Variants in ST6GALNAC5 observed in about 807,000 individuals in gnomAD.
ST6GALNAC5 encodes ST6 N-acetylgalactosaminide alpha-2,6-sialyltransferase 5, also known as alpha-N-acetylgalactosaminide alpha-2,6-sialyltransferase 5.
A neutral mutation model predicts 33.6 loss-of-function variants in ST6GALNAC5; 27 were observed. That is an observed-to-expected ratio of 0.80 (90% CI 0.59 to 1.11). The LOEUF (loss-of-function observed/expected upper bound fraction) is 1.11. ST6GALNAC5 is among the 50% of genes least tolerant of loss of function. The probability of loss-of-function intolerance (pLI) is 0.00; values close to 1 mark genes in which losing one functional copy is unlikely to be tolerated. For synonymous variants in ST6GALNAC5, 194 were observed against 171.2 expected (o/e 1.13, Z -1.04); for missense variants, 428 against 454.0 (o/e 0.94, Z 0.52).
At chr1:76,992,637 G>A (rs941977515) in intron 2 of ST6GALNAC5, among the ~76,000 whole-genome samples, 1 of 152,116 alleles carries the variant, frequency 6.6e-6, no homozygotes, top group Non-Finnish European at 1.5e-5. Context: ...TGGGACTATA[G>A]GTGCATGCCA....
At chr1:76,904,292 A>G (rs1185267098) in intron 2 of ST6GALNAC5, among the ~76,000 whole-genome samples, 1 of 152,182 alleles carries the variant, frequency 6.6e-6, no homozygotes, top group Non-Finnish European at 1.5e-5. Context: ...TCAGTTGAGA[A>G]GAGAAAGGGA....
At chr1:76,896,698 T>TA (rs1197062867) in intron 2 of ST6GALNAC5, among the ~76,000 whole-genome samples, 3 of 151,996 alleles carry the variant, frequency 2.0e-5, no homozygotes, top group Non-Finnish European at 4.4e-5. Context: ...TTGTCGGACT[T>TA]AAAGAGTGAG....
At position 77,017,068 on chromosome 1, in the gene ST6GALNAC5, G is replaced by A. The variant is rs375437849; in HGVS notation, c.262-27136G>A. Among the ~76,000 whole-genome samples, 6 of 147,830 alleles carry A rather than the reference G, an allele frequency of 4.1e-5. No homozygotes were observed. The East Asian group carries it at 8.5e-4, about 21-fold the overall frequency. On this transcript the variant is annotated intron_variant, in intron 2 of 4. Transcript: ENST00000477717. ...CAGGGGAATGAGACTGGGCTTTCTCGTAATATTTCTGAGTTGGTGAGCATG... is the reference window on the plus strand; with the variant it reads ...CAGGGGAATGAGACTGGGCTTTCTCATAATATTTCTGAGTTGGTGAGCATG...
intron 2 of ST6GALNAC5, among the ~76,000 whole-genome samples, chr1:77,030,146 AT>A (rs1280891015): frequency 6.6e-6 from 1 of 152,108 alleles, no homozygotes; most frequent in Non-Finnish European, 1.5e-5. Context: ...TTCTCCTGCC[AT>A]TTTTATTATT....
At chr1:76,996,475 T>A (rs1420734112) in intron 2 of ST6GALNAC5, among the ~76,000 whole-genome samples, 1 of 152,218 alleles carries the variant, frequency 6.6e-6, no homozygotes, top group African/African-American at 2.4e-5. Flanking sequence ...TAATATACTG[T>A]TGAATATGTT....
At chr1:76,888,044 A>G (rs541414935) in intron 2 of ST6GALNAC5, among the ~76,000 whole-genome samples, 1 of 152,328 alleles carries the variant, frequency 6.6e-6, no homozygotes, top group East Asian at 1.9e-4. Flanking sequence ...GATTTAGGGC[A>G]AGGAAATGTG....
intron 2 of ST6GALNAC5, among the ~76,000 whole-genome samples, chr1:76,983,031 C>T (rs921364448): frequency 3.9e-5 from 6 of 152,018 alleles, no homozygotes; most frequent in Admixed American, 2.6e-4. Flanking sequence ...TGGAAAGGAA[C>T]AACCAGTACC....
At position 76,953,806 on chromosome 1, in the gene ST6GALNAC5, C is replaced by T. The variant is rs566698149; in HGVS notation, c.261+85064C>T. 3.8e-3 allele frequency among the ~76,000 whole-genome samples: 583 copies of T among 151,990 alleles called. 1 individual carries two copies. Among genetic ancestry groups the T allele is most frequent in the Non-Finnish European group, 5.6e-3 (379 of 67,956 alleles). Reference sequence around the variant, plus strand: ...TATATTTTCATTTAAATCCATGATCCATTATGAATTAATTTTTCATGTGGT... The same window carrying T: ...TATATTTTCATTTAAATCCATGATCTATTATGAATTAATTTTTCATGTGGT... On this transcript the variant is annotated intron_variant, in intron 2 of 4. Coordinates refer to ENST00000477717, the MANE Select transcript of ST6GALNAC5 (RefSeq NM_030965.3).
intron 2 of ST6GALNAC5, among the ~76,000 whole-genome samples, chr1:77,028,374 A>G (rs550515575): frequency 6.6e-6 from 1 of 152,298 alleles, no homozygotes; most frequent in African/African-American, 2.4e-5. Flanking sequence ...AGCCTCTTCA[A>G]AACTTCAGGA....
chr1:76,912,596 A>G (rs1461106289), intron 2 of ST6GALNAC5, among the ~76,000 whole-genome samples: 1 of 150,906 alleles, frequency 6.6e-6, no homozygotes, highest in African/African-American at 2.4e-5. Flanking sequence ...TGCTTTATGA[A>G]TCTGGGTGTT....
intron 2 of ST6GALNAC5, among the ~76,000 whole-genome samples, chr1:76,951,178 A>C (rs1019990690): frequency 2.6e-5 from 4 of 152,140 alleles, no homozygotes. Context: ...ACCACGGATC[A>C]AATCAGTCTC....
Position 77,063,435 on chromosome 1 carries a change from CT to C in ST6GALNAC5, c.*231del. The C allele has an allele frequency of 5.6e-6, 3 of 532,536 alleles. No homozygotes were observed. The highest frequency in any genetic ancestry group is 1.0e-5 in the Non-Finnish European group (3 of 296,296). 33.0% of individuals were successfully genotyped at this position (532,536 alleles called of 1,614,324 possible). A position where few individuals can be genotyped will look rare whatever the true frequency, so the allele number is the denominator to read the frequency against. On this transcript the variant is annotated 3_prime_UTR_variant, in exon 5 of 5. Transcript: ENST00000477717. Reference sequence around the variant, plus strand: ...ATGTTGTCCCCTTCAATGGTGTTACCTTAGGAGCTGAACATTCAATTCAGTT... The same window carrying C: ...ATGTTGTCCCCTTCAATGGTGTTACCTAGGAGCTGAACATTCAATTCAGTT...
chr1:76,998,062 G>T (rs1168406292), intron 2 of ST6GALNAC5, among the ~76,000 whole-genome samples: 4 of 152,144 alleles, frequency 2.6e-5, no homozygotes, highest in African/African-American at 4.8e-5. Context: ...TTTCTGCCAT[G>T]ATTGTCAGTT....
At chr1:76,872,678 A>G (rs1653537677) in intron 2 of ST6GALNAC5, among the ~76,000 whole-genome samples, 3 of 152,210 alleles carry the variant, frequency 2.0e-5, no homozygotes, top group Non-Finnish European at 4.4e-5. Context: ...AAAAGTATAT[A>G]AATTATCAAA....
At chr1:76,903,641 G>C (rs947352901) in intron 2 of ST6GALNAC5, among the ~76,000 whole-genome samples, 1 of 152,160 alleles carries the variant, frequency 6.6e-6, no homozygotes, top group Non-Finnish European at 1.5e-5. Context: ...CTAAATGTCT[G>C]TTAACTGTTG....
At chr1:76,919,277 G>A (rs970342712) in intron 2 of ST6GALNAC5, among the ~76,000 whole-genome samples, 5 of 152,042 alleles carry the variant, frequency 3.3e-5, no homozygotes, top group African/African-American at 7.2e-5. Context: ...GTCTTGGGCT[G>A]CTTGGCTCCT....
intron 2 of ST6GALNAC5, among the ~76,000 whole-genome samples, chr1:76,912,492 G>A (rs545316504): frequency 6.6e-6 from 1 of 152,070 alleles, no homozygotes; most frequent in Non-Finnish European, 1.5e-5. Context: ...TTAACTTTCT[G>A]TCTCGTTGAT....
intron 2 of ST6GALNAC5, among the ~76,000 whole-genome samples, chr1:76,881,642 A>G (rs543109242): frequency 3.3e-5 from 5 of 152,272 alleles, no homozygotes; most frequent in African/African-American, 9.6e-5. Context: ...TTCAATAAGT[A>G]CTTGTTGAAT....
At chr1:77,014,610 A>C (rs987736349) in intron 2 of ST6GALNAC5, among the ~76,000 whole-genome samples, 3 of 152,210 alleles carry the variant, frequency 2.0e-5, no homozygotes, top group African/African-American at 7.2e-5. Context: ...TCACCGGCCC[A>C]GGTCAGTAGA....
Sources: gnomAD v4.1 joint callset for allele counts (sites outside exome capture counted in the v4.1 genomes callset) on GRCh38, gnomAD v4.1.1 for gene constraint, MANE v1.5 for transcripts, NCBI Gene and HGNC (gene_info 2026-07-23, HGNC 2026-07-21) for gene names.